MORN1: variants seen among roughly 807,000 people sequenced by gnomAD.
MORN1 encodes the protein MORN repeat containing 1.
Under a neutral mutation model 61.9 loss-of-function variants are expected in MORN1, and 67 were observed. The observed-to-expected ratio is 1.08, with a 90% CI of 0.89 to 1.33. MORN1 has a LOEUF of 1.33. Ranked by LOEUF, MORN1 falls within the 40% of genes most tolerant of loss-of-function variation. The pLI is 0.00. For synonymous variants in MORN1, 301 were observed against 292.0 expected, an observed-to-expected ratio of 1.03 and a Z score of -0.31; for missense variants, 752 against 691.2, an observed-to-expected ratio of 1.09 and a Z score of -0.99.
At position 2,321,530 on chromosome 1, in the gene MORN1, C is replaced by T. The variant is rs1640880712; in HGVS notation, c.1347G>A (p.Gly449=). 7 of 1,535,864 alleles carry T rather than the reference C, an allele frequency of 4.6e-6. No individual in the cohort carries two copies. Among genetic ancestry groups the T allele is most frequent in the Non-Finnish European group, 6.1e-6 (7 of 1,140,488 alleles). ...IRDVTTPPFL[G]RRLPPAFKHL... ...GTTTGAAGGCCGGGGGCAGCCTGCGCCCCAGGAACGGCGGGGTGGTCACGT... is the reference window on the plus strand; with the variant it reads ...GTTTGAAGGCCGGGGGCAGCCTGCGTCCCAGGAACGGCGGGGTGGTCACGT... Residue 449 remains glycine, a synonymous_variant, in exon 14 of 14, where the codon GGG becomes GGA. Transcript: ENST00000378531.
chr1:2,342,369 A>G (rs1057016693), intron 10 of MORN1, among the ~76,000 whole-genome samples: 3 of 152,248 alleles, frequency 2.0e-5, no homozygotes, highest in African/African-American at 7.2e-5. Context: ...GGCCAGGGGG[A>G]GGGCAGGCCG....
In MORN1 at chr1:2,358,645, G is replaced by C. The variant is rs1641827868; in HGVS notation, c.816C>G (p.Val272=). 3 of 1,613,930 alleles carry C rather than the reference G, an allele frequency of 1.9e-6. No individual in the cohort carries two copies. Among genetic ancestry groups the C allele is most frequent in the African/African-American group, 1.3e-5 (1 of 74,892 alleles). The change falls in exon 9 of 14, where the codon GTC becomes GTG. Residue 272 remains valine (V), a synonymous_variant. Coordinates refer to ENST00000378531, the MANE Select transcript of MORN1 (RefSeq NM_024848.3). ...RYVQLSAYSE[V]NFFKVDRDNQ... ...TGTCTCTGTCCACTTTGAAAAAGTT[G>C]ACCTCAGAGTAGGCTGACAGCTGCA...
intron 10 of MORN1, chr1:2,350,962 C>T (rs76142101): frequency 0.037 from 5,624 of 152,506 alleles, 339 homozygotes; most frequent in African/African-American, 0.12. Flanking sequence ...GCAGCCCGAC[C>T]TCTGTGCCCC....
intron 1 of MORN1, chr1:2,390,590 G>C: frequency 4.1e-6 from 4 of 985,292 alleles, no homozygotes; most frequent in South Asian, 4.7e-5. Context: ...TTGTGGGCAG[G>C]GTTTATGGGA....
chr1:2,354,658 C>T (rs749157977), intron 10 of MORN1, among the ~76,000 whole-genome samples: 15 of 152,224 alleles, frequency 9.9e-5, no homozygotes, highest in Non-Finnish European at 1.6e-4. Context: ...TCCTCTCCTC[C>T]GGGGCGCCCC....
intron 12 of MORN1, among the ~76,000 whole-genome samples, chr1:2,331,836 C>CGAAATTACAGGCTGGTGTGTCACT (rs1641157045): frequency 1.4e-5 from 2 of 143,238 alleles, no homozygotes; most frequent in Middle Eastern, 3.7e-3. Flanking sequence ...GCGCCTCTCC[C>CGAAATTACAGGCTGGTGTGTCACT]TCGTGCGGCT....
At chr1:2,348,844 C>T (rs1481950059) in intron 10 of MORN1, among the ~76,000 whole-genome samples, 1 of 152,104 alleles carries the variant, frequency 6.6e-6, no homozygotes, top group Non-Finnish European at 1.5e-5. Context: ...CGCACACCTG[C>T]GCGGGCACGC....
chr1:2,380,044 C>T (rs1007882097), intron 6 of MORN1, among the ~76,000 whole-genome samples: 7 of 152,090 alleles, frequency 4.6e-5, no homozygotes, highest in South Asian at 2.1e-4. Flanking sequence ...GTGGGGGGTG[C>T]GGGCCCGGCT....
At chr1:2,391,396 G>A in intron 1 of MORN1, 62 bp downstream of exon 1, 1 of 1,248,434 alleles carries the variant, frequency 8.0e-7, no homozygotes, top group Non-Finnish European at 1.0e-6. Context: ...GGCGTAGAGC[G>A]ATCGCACCCT....
intron 10 of MORN1, among the ~76,000 whole-genome samples, chr1:2,339,011 C>G (rs969604088): frequency 6.6e-6 from 1 of 152,168 alleles, no homozygotes; most frequent in African/African-American, 2.4e-5. Flanking sequence ...AAGCCGGGTT[C>G]CTTGAGCCTG....
chr1:2,378,732 C>G (rs1642302561), intron 6 of MORN1: 1 of 360,718 alleles, frequency 2.8e-6, no homozygotes, highest in Non-Finnish European at 5.4e-6. Flanking sequence ...CTCCGTCTCC[C>G]ACCGAGGATG....
At chr1:2,379,619 G>A (rs537669155) in intron 6 of MORN1, among the ~76,000 whole-genome samples, 7 of 152,328 alleles carry the variant, frequency 4.6e-5, no homozygotes, top group African/African-American at 1.7e-4. Context: ...GCGTCAAAGA[G>A]GGGGAGACCG....
rs376421225 is a variant in MORN1, at chr1:2,324,846, C to T, written c.1251-703G>A. ...GGGCCTGTTCCTCCTGCCTGGACAG[C>T]GCCTCGGGGCACCCACGGGCTGGGG... is the stretch of plus-strand genomic sequence containing the variant. On this transcript the variant is annotated intron_variant, in intron 12 of 13. Coordinates refer to ENST00000378531, the MANE Select transcript of MORN1 (RefSeq NM_024848.3). Among the ~76,000 whole-genome samples, 39 of 152,146 alleles carry T rather than the reference C, an allele frequency of 2.6e-4. No homozygotes were observed. The East Asian group carries it at 3.1e-3, about 12-fold the overall frequency.
chr1:2,373,854 C>A (rs1175456790), intron 7 of MORN1, among the ~76,000 whole-genome samples: 3 of 152,240 alleles, frequency 2.0e-5, no homozygotes, highest in Non-Finnish European at 4.4e-5. Context: ...CCCCCAAGGT[C>A]CTCCAACCCA....
At chr1:2,331,025 C>T (rs918665886) in intron 12 of MORN1, among the ~76,000 whole-genome samples, 1 of 152,250 alleles carries the variant, frequency 6.6e-6, no homozygotes, top group Admixed American at 6.5e-5. Context: ...GCCAGAGGCC[C>T]TCTCAGAAAC....
intron 3 of MORN1, 42 bp from the exon 4 acceptor site, chr1:2,387,571 C>T (rs753406344): frequency 1.4e-6 from 2 of 1,466,444 alleles, no homozygotes; most frequent in Non-Finnish European, 1.9e-6. Flanking sequence ...AGGTTCAGTT[C>T]AGGGCTGCGG....
intron 12 of MORN1, among the ~76,000 whole-genome samples, chr1:2,325,042 C>T (rs1027312029): frequency 2.7e-5 from 4 of 150,584 alleles, no homozygotes; most frequent in Admixed American, 2.0e-4. Flanking sequence ...TGGACACCCA[C>T]CCTCCTCCCC....
chr1:2,336,228 C>A (rs1304278269), intron 12 of MORN1, among the ~76,000 whole-genome samples: 1 of 152,210 alleles, frequency 6.6e-6, no homozygotes, highest in Admixed American at 6.5e-5. Flanking sequence ...GTGATCGAAG[C>A]AGATGGACCG....
At position 2,388,301 on chromosome 1, in the gene MORN1, T is replaced by C. The variant is rs1000738680; in HGVS notation, c.185A>G (p.Tyr62Cys). 9 of 1,613,882 alleles carry C rather than the reference T, an allele frequency of 5.6e-6. No individual in the cohort carries two copies. The Admixed American group carries it at 8.3e-5, about 15-fold the overall frequency. The change falls in exon 3 of 14, where the codon TAC becomes TGC. Residue 62 changes from tyrosine to cysteine, a missense_variant. Transcript: ENST00000378531. ...CTCTCCGTCCACAAACGCCCCTTCG[T>C]AATAACTGCCATCTTTAAATAACAA... ...GKLLFKDGSY[Y>C]EGAFVDGEIT...
Sources: allele counts gnomAD v4.1 joint callset (sites outside exome capture counted in the v4.1 genomes callset), GRCh38; gene constraint gnomAD v4.1.1; transcripts MANE v1.5; gene names NCBI Gene and HGNC (gene_info 2026-07-23, HGNC 2026-07-21).